The following JAK1 variants were observed in gnomAD, a reference collection of about 807,000 sequenced individuals.
The protein encoded by JAK1 is tyrosine-protein kinase JAK1.
In JAK1, 16 loss-of-function variants were observed where a neutral mutation model predicts 136.6. The ratio of observed to expected loss-of-function variants is 0.12; its 90% CI spans 0.08 to 0.18. The LOEUF (loss-of-function observed/expected upper bound fraction) is 0.18, where lower values mean the gene tolerates loss of function less well. JAK1 is among the 10% of genes least tolerant of loss of function. The pLI is 1.00. For synonymous variants in JAK1, 492 were observed against 519.5 expected (o/e 0.95, Z 0.72); for missense variants, 859 against 1,450.1 (o/e 0.59, Z 6.62).
chr1:65,063,649 C>T (rs1569979291), intron 1 of JAK1, among the ~76,000 whole-genome samples: 3 of 151,732 alleles, frequency 2.0e-5, no homozygotes, highest in Admixed American at 2.0e-4. Context: ...ACTAAAAATA[C>T]AAAAAATCTG....
intron 1 of JAK1, among the ~76,000 whole-genome samples, chr1:64,914,765 T>G (rs1327111981): frequency 6.6e-6 from 1 of 152,166 alleles, no homozygotes; most frequent in Non-Finnish European, 1.5e-5. Flanking sequence ...GGTTTCACCA[T>G]GTTGGCCAGG....
intron 1 of JAK1, among the ~76,000 whole-genome samples, chr1:65,065,520 C>T (rs1290793566): frequency 3.3e-5 from 5 of 151,528 alleles, no homozygotes; most frequent in Non-Finnish European, 5.9e-5. Flanking sequence ...AGGGGAGGGT[C>T]GACTGGTAAG....
At chr1:65,032,714 A>T (rs1647034573) in intron 2 of JAK1, among the ~76,000 whole-genome samples, 1 of 152,242 alleles carries the variant, frequency 6.6e-6, no homozygotes, top group South Asian at 2.1e-4. Flanking sequence ...TAGAAACTAC[A>T]TATGGCCATC....
At chr1:64,971,367 T>C (rs1333314153), upstream of JAK1, among the ~76,000 whole-genome samples, 3 of 151,656 alleles carry the variant, frequency 2.0e-5, no homozygotes, top group African/African-American at 7.3e-5. Flanking sequence ...ATGCAAATAA[T>C]TTTTTTTTGA....
chr1:65,013,401 A>G (rs546810813), intron 2 of JAK1, among the ~76,000 whole-genome samples: 40 of 152,042 alleles, frequency 2.6e-4, no homozygotes, highest in Non-Finnish European at 4.7e-4. Flanking sequence ...GTCTAAAAAA[A>G]AAAAAACAAA....
chr1:65,007,509 G>A (rs1364016934), intron 2 of JAK1, among the ~76,000 whole-genome samples: 4 of 152,078 alleles, frequency 2.6e-5, no homozygotes, highest in Non-Finnish European at 5.9e-5. Flanking sequence ...TGCCCAGGCT[G>A]GAGTGCAATG....
intron 1 of JAK1, among the ~76,000 whole-genome samples, chr1:64,949,808 A>G (rs1261192696): frequency 6.6e-6 from 1 of 152,220 alleles, no homozygotes; most frequent in Non-Finnish European, 1.5e-5. Context: ...TCATCCTAAT[A>G]AAGCAATTAG....
intron 2 of JAK1, among the ~76,000 whole-genome samples, chr1:65,020,579 C>A (rs1305008357): frequency 2.0e-5 from 3 of 152,204 alleles, no homozygotes; most frequent in Admixed American, 2.0e-4. Flanking sequence ...ATGCTTTATG[C>A]ACTTTTCTAT....
chr1:64,943,493 T>C (rs1645926790), intron 1 of JAK1, among the ~76,000 whole-genome samples: 1 of 152,220 alleles, frequency 6.6e-6, no homozygotes, highest in Admixed American at 6.5e-5. Context: ...GGGGAGATGA[T>C]GATTTTTTGT....
intron 2 of JAK1, among the ~76,000 whole-genome samples, chr1:65,035,806 C>T (rs1029327270): frequency 6.6e-5 from 10 of 152,242 alleles, no homozygotes; most frequent in African/African-American, 2.2e-4. Flanking sequence ...CGGTGGTTCA[C>T]GCCTGTAATC....
At position 64,869,315 on chromosome 1, in the gene JAK1, T is replaced by A; in HGVS notation, c.643A>T (p.Ile215Phe). 1 of 1,613,710 alleles carries A rather than the reference T, an allele frequency of 6.2e-7. No homozygotes were observed. The highest frequency in any genetic ancestry group is 8.5e-7 in the Non-Finnish European group (1 of 1,179,796). The change falls in exon 6 of 25, where the codon ATC becomes TTC. Residue 215 changes from isoleucine (I) to phenylalanine (F), a missense_variant. Transcript: ENST00000342505. ...TCAGCCAGTGGGAAGCTTTACCTGATGTCCTTGGGCAGTTCTGGCAACTGC... is the reference window on the plus strand; with the variant it reads ...TCAGCCAGTGGGAAGCTTTACCTGAAGTCCTTGGGCAGTTCTGGCAACTGC... The part of the protein sequence containing the change: ...KMQLPELPKD[I>F]SYKRYIPETL...
rs904239092 is a variant in JAK1, at chr1:64,860,327, G to C, written c.1177-65C>G. 2.2e-6 allele frequency: 3 copies of C among 1,392,168 alleles called. No individual in the cohort carries two copies. The African/African-American group carries it at 4.3e-5, about 20-fold the overall frequency. 86.2% of individuals were successfully genotyped at this position (1,392,168 alleles called of 1,614,324 possible). A position where few individuals can be genotyped will look rare whatever the true frequency, so the allele number is the denominator to read the frequency against. The stretch of plus-strand genomic sequence containing the variant: ...TCTATCAGCTTAAGTGGCTGACTCT[G>C]TAGGGAGGTGCACAGTGAGAAGATT... On this transcript the variant is annotated intron_variant, in intron 8 of 24. Transcript: ENST00000342505.
At chr1:64,955,156 A>G (rs1362613410) in intron 1 of JAK1, among the ~76,000 whole-genome samples, 1 of 152,242 alleles carries the variant, frequency 6.6e-6, no homozygotes, top group Non-Finnish European at 1.5e-5. Context: ...TGTTTATTCA[A>G]TAAACAGCCG....
At chr1:64,843,979 G>A in intron 17 of JAK1, 85 bp downstream of exon 17, 2 of 1,500,320 alleles carry the variant, frequency 1.3e-6, no homozygotes, top group Non-Finnish European at 1.8e-6. Flanking sequence ...TCTTCCCACA[G>A]TGCCAGGCTT....
chr1:64,881,435 C>A (rs1644771049), intron 3 of JAK1, among the ~76,000 whole-genome samples: 1 of 151,676 alleles, frequency 6.6e-6, no homozygotes, highest in Non-Finnish European at 1.5e-5. Context: ...AGAATCAAAC[C>A]AAGACACAGC....
chr1:65,026,661 T>C (rs1474160919), intron 2 of JAK1, among the ~76,000 whole-genome samples: 1 of 152,176 alleles, frequency 6.6e-6, no homozygotes, highest in East Asian at 1.9e-4. Flanking sequence ...TGAAATTGTT[T>C]GCATTTTAAA....
chr1:64,941,222 T>C (rs1645884962), intron 1 of JAK1, among the ~76,000 whole-genome samples: 1 of 152,146 alleles, frequency 6.6e-6, no homozygotes, highest in African/African-American at 2.4e-5. Flanking sequence ...TAAGAATAAA[T>C]TCTCACCATC....
upstream of JAK1, among the ~76,000 whole-genome samples, chr1:64,969,724 G>T (rs947513088): frequency 6.6e-6 from 1 of 152,148 alleles, no homozygotes; most frequent in African/African-American, 2.4e-5. Flanking sequence ...GAGGAATCTC[G>T]CATGACTCCC....
intron 2 of JAK1, among the ~76,000 whole-genome samples, chr1:65,037,246 G>C (rs188360088): frequency 6.6e-6 from 1 of 152,116 alleles, no homozygotes; most frequent in African/African-American, 2.4e-5. Context: ...CAAAAGCTGT[G>C]ATGGTAGGAA....
Sources: gnomAD v4.1 joint callset for allele counts (sites outside exome capture counted in the v4.1 genomes callset) on GRCh38, gnomAD v4.1.1 for gene constraint, MANE v1.5 for transcripts, NCBI Gene and HGNC (gene_info 2026-07-23, HGNC 2026-07-21) for gene names.